TBX3: variants seen among roughly 807,000 people sequenced by gnomAD.
The protein encoded by TBX3 is T-box transcription factor TBX3.
A neutral mutation model predicts 47.8 loss-of-function variants in TBX3; 11 were observed. That is an observed-to-expected ratio of 0.23 (90% confidence interval 0.14 to 0.38). The LOEUF (loss-of-function observed/expected upper bound fraction) is 0.38. Ranked by LOEUF, TBX3 falls within the 10% of genes least tolerant of loss-of-function variation. The probability of loss-of-function intolerance (pLI) is 1.00; values close to 1 mark genes in which losing one functional copy is unlikely to be tolerated. For missense variants in TBX3, 927 were observed against 1,022.8 expected (o/e 0.91, Z 1.28); for synonymous variants, 500 against 449.3 (o/e 1.11, Z -1.43).
Position 114,672,251 on chromosome 12 carries a change from T to A in TBX3, c.1762A>T (p.Met588Leu), listed in dbSNP as rs755321111. 18 of 1,576,336 alleles carry A rather than the reference T, an allele frequency of 1.1e-5. No homozygotes were observed. The South Asian group carries it at 2.0e-4, about 17-fold the overall frequency. Residue 588 changes from methionine (M) to leucine (L), a missense_variant, in exon 7 of 7, where the codon ATG (methionine) becomes TTG (leucine). By Grantham distance (15) the Met-to-Leu change is conservative (BLOSUM62 2). Around this residue, in one of 5 missense-constraint regions of TBX3, gnomAD observed 623 missense variants for 569.0 expected, o/e 1.09. Coordinates refer to ENST00000349155, the MANE Select transcript of TBX3 (RefSeq NM_005996.4). ...GAGGAGGCGGCCGCCGCTGCGGCCATGTACGTGTAGGGGTAAGGGAACAGG... is the reference window on the plus strand; with the variant it reads ...GAGGAGGCGGCCGCCGCTGCGGCCAAGTACGTGTAGGGGTAAGGGAACAGG... ...GSLFPYPYTYMAAAAAASSAA... is the reference protein window; with the variant it reads ...GSLFPYPYTYLAAAAAASSAA...
chr12:114,671,303 G>C lies in TBX3; in HGVS notation c.*538C>G, dbSNP rs1868411353. On this transcript the variant is annotated 3_prime_UTR_variant, in exon 7 of 7. Transcript: ENST00000349155. ...TAATATAGACTAAACAAGGATGGTA[G>C]GGACTTCCCTCCCCAAACAAAGCTG... 1 of 239,772 alleles carries C rather than the reference G, an allele frequency of 4.2e-6. No homozygotes were observed. Among genetic ancestry groups the C allele is most frequent in the Non-Finnish European group, 8.2e-6 (1 of 121,860 alleles). 14.9% of individuals were successfully genotyped at this position (239,772 alleles called of 1,614,324 possible).
chr12:114,674,881 C>T lies in TBX3; in HGVS notation c.1040-46G>A, dbSNP rs1486097857. On this transcript the variant is annotated intron_variant, in intron 5 of 6. Coordinates refer to ENST00000349155, the MANE Select transcript of TBX3 (RefSeq NM_005996.4). Reference sequence around the variant, plus strand: ...AACCAAGGCAGAAGGGCGTTATCTCCAGTATGAGCCAACGGAACTCCAGTT... The same window carrying T: ...AACCAAGGCAGAAGGGCGTTATCTCTAGTATGAGCCAACGGAACTCCAGTT... 3 of 1,539,958 alleles carry T rather than the reference C, an allele frequency of 1.9e-6. No individual in the cohort carries two copies. In the Admixed American group the frequency reaches 5.9e-5, roughly 30 times the overall value.
chr12:114,682,292 G>T (rs571028118), intron 1 of TBX3, among the ~76,000 whole-genome samples: 3 of 152,114 alleles, frequency 2.0e-5, no homozygotes, highest in Non-Finnish European at 4.4e-5. Context: ...AATGCCCTTC[G>T]ATTTCTCTCT....
chr12:114,680,644 G>A (rs1244804719), intron 2 of TBX3: 4 of 628,490 alleles, frequency 6.4e-6, no homozygotes, highest in East Asian at 2.8e-5. Flanking sequence ...CCAAAGAGCT[G>A]GAATTGCTAT....
In TBX3 at chr12:114,671,755, T is replaced by C. The variant is rs1307747851; in HGVS notation, c.*86A>G. 6.6e-7 allele frequency: 1 copy of C among 1,513,478 alleles called. No individual in the cohort carries two copies. The highest frequency in any genetic ancestry group is 2.5e-5 in the East Asian group (1 of 40,790). The allele number at this position is 1,513,478 out of a possible 1,614,324, so 93.8% of individuals were successfully genotyped here. On this transcript the variant is annotated 3_prime_UTR_variant, in exon 7 of 7. Coordinates refer to ENST00000349155, the MANE Select transcript of TBX3 (RefSeq NM_005996.4). Reference sequence around the variant, plus strand: ...ACTGCAAAAGGAAGGGCTAACGCCATGGCGGGCCCGTGGTTTATTTTATAT... The same window carrying C: ...ACTGCAAAAGGAAGGGCTAACGCCACGGCGGGCCCGTGGTTTATTTTATAT...
Position 114,680,899 on chromosome 12 carries a change from T to C in TBX3, c.637A>G (p.Ile213Val). The C allele has an allele frequency of 6.2e-7, 1 of 1,614,076 alleles. No homozygotes were observed. Residue 213 changes from isoleucine (I) to valine (V), a missense_variant, in exon 2 of 7, where the codon ATT (isoleucine) becomes GTT (valine). Physicochemically the swap from Ile to Val is conservative, Grantham distance 29. Transcript: ENST00000349155. ...TFHKLKLTNN[I>V]SDKHGFTILN... ...CTTACAAATCCATGTTTGTCTGAAA[T>C]GTTGTTGGTGAGTTTCAGTTTGTGG...
At position 114,671,410 on chromosome 12, in the gene TBX3, A is replaced by G; in HGVS notation, c.*431T>C. ...CAAACAGAATCATGTTAATGTGTTC[A>G]CTTGTCCCGATTTTTTTTTTGAAAG... On this transcript the variant is annotated 3_prime_UTR_variant, in exon 7 of 7. Coordinates refer to ENST00000349155, the MANE Select transcript of TBX3 (RefSeq NM_005996.4). The G allele has an allele frequency of 3.3e-6, 1 of 298,634 alleles. No individual in the cohort carries two copies. Among genetic ancestry groups the G allele is most frequent in the Non-Finnish European group, 6.3e-6 (1 of 158,820 alleles). 18.5% of individuals were successfully genotyped at this position (298,634 alleles called of 1,614,324 possible). A position where few individuals can be genotyped will look rare whatever the true frequency, so the allele number is the denominator to read the frequency against.
At chr12:114,674,940 C>T (rs982661420) in intron 5 of TBX3, 105 bp from the exon 6 acceptor site, 1 of 1,440,244 alleles carries the variant, frequency 6.9e-7, no homozygotes, top group Admixed American at 2.0e-5. Context: ...GGCTTAGTGG[C>T]TGTGTAATCC....
intron 1 of TBX3, among the ~76,000 whole-genome samples, chr12:114,682,385 A>G (rs1358995452): frequency 1.3e-5 from 2 of 152,198 alleles, no homozygotes; most frequent in Non-Finnish European, 2.9e-5. Flanking sequence ...CAGGCCTCCC[A>G]ATACCCACAC....
chr12:114,677,359 T>C (rs577146278), intron 4 of TBX3, among the ~76,000 whole-genome samples: 1 of 152,206 alleles, frequency 6.6e-6, no homozygotes, highest in Non-Finnish European at 1.5e-5. Flanking sequence ...CTTCCAGAGA[T>C]AAGTATGGTG....
intron 6 of TBX3, among the ~76,000 whole-genome samples, chr12:114,673,424 G>A (rs1868538979): frequency 6.6e-6 from 1 of 151,262 alleles, no homozygotes; most frequent in Non-Finnish European, 1.5e-5. Context: ...CAGGCCTCCA[G>A]GCCTGCCCCA....
At position 114,672,241 on chromosome 12, in the gene TBX3, G is replaced by A. The variant is rs867049310; in HGVS notation, c.1772C>T (p.Ala591Val). The A allele has an allele frequency of 3.2e-6, 5 of 1,574,872 alleles. No individual in the cohort carries two copies. The highest frequency in any genetic ancestry group is 1.3e-5 in the African/African-American group (1 of 74,284). The stretch of plus-strand genomic sequence containing the variant: ...GGCTGCCGCAGAGGAGGCGGCCGCC[G>A]CTGCGGCCATGTACGTGTAGGGGTA... ...FPYPYTYMAA[A>V]AAASSAAASS... is the part of the protein sequence containing the mutation. The change falls in exon 7 of 7, where the codon GCG becomes GTG. Residue 591 changes from alanine to valine, a missense_variant. Physicochemically the swap from Ala to Val is moderately conservative, Grantham distance 64 (BLOSUM62 0). Around this residue, in one of 5 missense-constraint regions of TBX3, gnomAD observed 623 missense variants for 569.0 expected, o/e 1.09. Transcript: ENST00000349155.
In TBX3 at chr12:114,683,790, TAA is replaced by T. The variant is rs11356115; in HGVS notation, c.-592_-591del. Reference sequence around the variant, plus strand: ...GAGAGCGGAAAAAGTCTCTCTCCTTTAAAAAAAAAAAAATCTGATTTAAACCC... The same window carrying T: ...GAGAGCGGAAAAAGTCTCTCTCCTTTAAAAAAAAAAATCTGATTTAAACCC... On this transcript the variant is annotated 5_prime_UTR_variant, in exon 1 of 7. Transcript: ENST00000349155. This position sits in a 1 kb window ranked among gnomAD's most constrained non-coding sequence, Gnocchi z 7.7. 1,211 of 210,786 alleles carry T rather than the reference TAA, an allele frequency of 5.7e-3. 1 individual carries two copies. Among genetic ancestry groups the T allele is most frequent in the Middle Eastern group, 8.8e-3 (6 of 680 alleles). 13.1% of individuals were successfully genotyped at this position (210,786 alleles called of 1,614,324 possible). A position where few individuals can be genotyped will look rare whatever the true frequency, so the allele number is the denominator to read the frequency against.
intron 5 of TBX3, among the ~76,000 whole-genome samples, chr12:114,676,010 C>T (rs1203095589): frequency 2.0e-5 from 3 of 152,050 alleles, no homozygotes; most frequent in Non-Finnish European, 4.4e-5. Flanking sequence ...AAGAGAGAAG[C>T]GCTTCAAGCA....
intron 6 of TBX3, among the ~76,000 whole-genome samples, chr12:114,673,844 A>G (rs1868566452): frequency 6.6e-6 from 1 of 152,252 alleles, no homozygotes; most frequent in Admixed American, 6.5e-5. Context: ...CTGAAGGGTT[A>G]GGTCAAATGA....
Position 114,674,845 on chromosome 12 carries a change from G to A in TBX3, c.1040-10C>T, listed in dbSNP as rs1868638277. 1 of 1,562,450 alleles carries A rather than the reference G, an allele frequency of 6.4e-7. No individual in the cohort carries two copies. The highest frequency in any genetic ancestry group is 8.6e-7 in the Non-Finnish European group (1 of 1,160,456). On this transcript the variant is annotated splice_polypyrimidine_tract_variant and intron_variant, in intron 5 of 6. Transcript: ENST00000349155. ...TCGCTGGGACATAAATCTACCACAGGCGAAGGAAAAAACCAAGGCAGAAGG... is the reference window on the plus strand; with the variant it reads ...TCGCTGGGACATAAATCTACCACAGACGAAGGAAAAAACCAAGGCAGAAGG...
chr12:114,671,983 G>T lies in TBX3; in HGVS notation c.2030C>A (p.Ser677Tyr). The T allele has an allele frequency of 6.2e-7, 1 of 1,601,740 alleles. No individual in the cohort carries two copies. Among genetic ancestry groups the T allele is most frequent in the East Asian group, 2.3e-5 (1 of 44,226 alleles). Reference protein sequence around the residue: ...DSGSELNSRSSTLSSSSMSLS... With the variant: ...DSGSELNSRSYTLSSSSMSLS... Reference sequence around the variant, plus strand: ...GGACATGGAGCTGGAGGAGAGCGTGGAGGAGCGGCTGTTGAGTTCAGAGCC... The same window carrying T: ...GGACATGGAGCTGGAGGAGAGCGTGTAGGAGCGGCTGTTGAGTTCAGAGCC... The change falls in exon 7 of 7, where the codon TCC (serine) becomes TAC (tyrosine). Residue 677 changes from serine (S) to tyrosine (Y), a missense_variant. Physicochemically the swap from Ser to Tyr is moderately radical, Grantham distance 144 (BLOSUM62 -2). This residue lies in a region of TBX3 where 623 missense variants were observed against 569.0 expected (regional missense o/e 1.09). Transcript: ENST00000349155.
At chr12:114,678,802 C>G (rs1203298313) in intron 3 of TBX3, among the ~76,000 whole-genome samples, 2 of 152,258 alleles carry the variant, frequency 1.3e-5, no homozygotes, top group South Asian at 2.1e-4. Flanking sequence ...CACCATAGCT[C>G]TAGATATCAG....
In TBX3 at chr12:114,674,441, C is replaced by T. The variant is rs892717045; in HGVS notation, c.1434G>A (p.Leu478=). ...GGCCCGGGGCGAAGCCGAGGCCAGG[C>T]AGGGGGCCCTGGGCCAGGTGCGCGG... ...AAAAHLAQGP[L]PGLGFAPGLA... Residue 478 remains leucine, a synonymous_variant, in exon 6 of 7, where the codon CTG becomes CTA. Transcript: ENST00000349155. The T allele has an allele frequency of 6.5e-7, 1 of 1,547,894 alleles. No homozygotes were observed. Among genetic ancestry groups the T allele is most frequent in the Non-Finnish European group, 8.7e-7 (1 of 1,146,014 alleles).
Sources: gnomAD v4.1 joint callset for allele counts (sites outside exome capture counted in the v4.1 genomes callset) on GRCh38, gnomAD v4.1.1 for gene constraint, gnomAD v4.1.1 regional missense constraint, Gnocchi (gnomAD v3.1) non-coding constraint, MANE v1.5 for transcripts, NCBI Gene and HGNC (gene_info 2026-07-23, HGNC 2026-07-21) for gene names.